The following PDE4D variants were observed in gnomAD, a reference collection of about 807,000 sequenced individuals.
The protein encoded by PDE4D is 3',5'-cyclic-AMP phosphodiesterase 4D.
PDE4D carries 24 observed loss-of-function variants against 87.4 expected under a neutral mutation model. The observed-to-expected ratio is 0.27, with a 90% CI of 0.20 to 0.39. The LOEUF (loss-of-function observed/expected upper bound fraction) is 0.39. Among genes scored for constraint, PDE4D ranks in the 10% least tolerant of loss-of-function variants. The pLI is 1.00. For synonymous variants in PDE4D, 384 were observed against 383.2 expected (o/e 1.00, Z -0.02); for missense variants, 714 against 1,041.0 (o/e 0.69, Z 4.32).
rs1210601999 is a variant in PDE4D, at chr5:60,092,073, A to G, written c.42+93484T>C. 3.2e-4 allele frequency among the ~76,000 whole-genome samples: 45 copies of G among 142,578 alleles called. No individual in the cohort carries two copies. The East Asian group carries it at 7.1e-3, about 22-fold the overall frequency. 93.5% of individuals were successfully genotyped at this position (142,578 alleles called of 152,430 possible). A position where few individuals can be genotyped will look rare whatever the true frequency, so the allele number is the denominator to read the frequency against. On this transcript the variant is annotated intron_variant, in intron 2 of 16. Coordinates refer to the PDE4D transcript ENST00000502484. ...CTCAAAAAAAAAAAAAAAAAAAAAA[A>G]AAAAAGAAAATGTGAAATATATACA...
intron 1 of PDE4D, among the ~76,000 whole-genome samples, chr5:59,345,933 T>A (rs1779537166): frequency 6.6e-6 from 1 of 152,192 alleles, no homozygotes; most frequent in Non-Finnish European, 1.5e-5. Flanking sequence ...ATGTTCATAA[T>A]GGCTCTAATT....
chr5:59,026,366 A>C lies in PDE4D; in HGVS notation c.921+12493T>G, dbSNP rs114047127. ...GAAAAAAACCTTTCTTGAAAGGCAC[A>C]AAGTAGAATGCTCAGACTCTCCATC... On this transcript the variant is annotated intron_variant, in intron 6 of 14. Transcript: ENST00000340635. 2.5e-3 allele frequency among the ~76,000 whole-genome samples: 379 copies of C among 152,346 alleles called. 2 individuals carry two copies. The highest frequency in any genetic ancestry group is 8.8e-3 in the African/African-American group (366 of 41,576).
chr5:59,685,753 A>G (rs1749761022), intron 1 of PDE4D, among the ~76,000 whole-genome samples: 1 of 152,118 alleles, frequency 6.6e-6, no homozygotes, highest in Admixed American at 6.6e-5. Flanking sequence ...GATTTGAAAC[A>G]GAGATGGAAA....
chr5:59,492,079 A>G (rs567397662), intron 1 of PDE4D, among the ~76,000 whole-genome samples: 16 of 152,214 alleles, frequency 1.1e-4, no homozygotes, highest in South Asian at 8.3e-4. Flanking sequence ...CCCACCCCCA[A>G]ACAAATTTCT....
At chr5:59,701,617 C>T (rs938695272) in intron 1 of PDE4D, among the ~76,000 whole-genome samples, 5 of 152,120 alleles carry the variant, frequency 3.3e-5, no homozygotes, top group African/African-American at 7.2e-5. Flanking sequence ...CAAGGAGTTT[C>T]ACAATTATGG....
At chr5:59,989,212 T>C (rs1250447967) in intron 2 of PDE4D, among the ~76,000 whole-genome samples, 2 of 150,974 alleles carry the variant, frequency 1.3e-5, no homozygotes, top group African/African-American at 4.9e-5. Flanking sequence ...ACAGTGTATT[T>C]AAACAAACCT....
intron 1 of PDE4D, among the ~76,000 whole-genome samples, chr5:59,350,425 A>C (rs1420669863): frequency 6.6e-6 from 1 of 152,180 alleles, no homozygotes; most frequent in Non-Finnish European, 1.5e-5. Flanking sequence ...CAAGGTCTTC[A>C]AGCTCTTCAA....
intron 1 of PDE4D, among the ~76,000 whole-genome samples, chr5:59,504,582 T>G (rs543171700): frequency 6.6e-6 from 1 of 152,310 alleles, no homozygotes; most frequent in African/African-American, 2.4e-5. Flanking sequence ...ATGTCCATTT[T>G]TTGATGTGTC....
intron 1 of PDE4D, among the ~76,000 whole-genome samples, chr5:60,222,511 G>T (rs1744612700): frequency 6.6e-6 from 1 of 152,094 alleles, no homozygotes. Context: ...TACAATTTAG[G>T]AATAGAATTT....
chr5:59,716,747 G>A (rs189794503), intron 1 of PDE4D, among the ~76,000 whole-genome samples: 9 of 152,184 alleles, frequency 5.9e-5, no homozygotes, highest in South Asian at 4.2e-4. Context: ...ACAATTCTCC[G>A]TCTTCATTGG....
intron 1 of PDE4D, among the ~76,000 whole-genome samples, chr5:59,746,196 T>G (rs1759583801): frequency 6.6e-6 from 1 of 152,212 alleles, no homozygotes; most frequent in African/African-American, 2.4e-5. Flanking sequence ...AATTTCATAT[T>G]AGAAAATCTG....
rs563288348 is a variant in PDE4D, at chr5:59,768,676, G to A, written c.455+124492C>T. On this transcript the variant is annotated intron_variant, in intron 1 of 14. Coordinates refer to ENST00000340635, the MANE Select transcript of PDE4D (RefSeq NM_001104631.2). ...GCCTGGGGCTGGGTGCAGAGGAGGCGAGCGCACTCCTCCGCGGAAGCGTAT... is the reference window on the plus strand; with the variant it reads ...GCCTGGGGCTGGGTGCAGAGGAGGCAAGCGCACTCCTCCGCGGAAGCGTAT... 10 of 1,472,586 alleles carry A rather than the reference G, an allele frequency of 6.8e-6. No individual in the cohort carries two copies. In the African/African-American group the frequency reaches 7.0e-5, roughly 10 times the overall value. The allele number at this position is 1,472,586 out of a possible 1,614,324, so 91.2% of individuals were successfully genotyped here. A position where few individuals can be genotyped will look rare whatever the true frequency, so the allele number is the denominator to read the frequency against.
At chr5:60,341,664 A>G (rs1305584926) in intron 1 of PDE4D, among the ~76,000 whole-genome samples, 3 of 152,188 alleles carry the variant, frequency 2.0e-5, no homozygotes, top group South Asian at 2.1e-4. Flanking sequence ...AGAAGCCCAT[A>G]CACAGAGCGT....
chr5:60,196,716 C>T (rs1419355220), intron 1 of PDE4D, among the ~76,000 whole-genome samples: 6 of 151,554 alleles, frequency 4.0e-5, no homozygotes, highest in Non-Finnish European at 7.4e-5. Flanking sequence ...GCAAGATGAT[C>T]CCCATAAAAT....
chr5:59,673,809 C>T (rs1408694848), intron 1 of PDE4D, among the ~76,000 whole-genome samples: 2 of 152,200 alleles, frequency 1.3e-5, no homozygotes, highest in Non-Finnish European at 2.9e-5. Context: ...CATTATTAAA[C>T]ATATATGGGT....
chr5:59,998,162 T>C (rs1173462369), intron 2 of PDE4D, among the ~76,000 whole-genome samples: 4 of 152,222 alleles, frequency 2.6e-5, no homozygotes, highest in African/African-American at 4.8e-5. Context: ...CAGGTTTAGC[T>C]GATATCAATG....
chr5:60,165,991 C>T (rs756647875), intron 2 of PDE4D, among the ~76,000 whole-genome samples: 25 of 151,968 alleles, frequency 1.6e-4, no homozygotes, highest in African/African-American at 5.8e-4. Flanking sequence ...AAGTGATTTT[C>T]TCTAGTAGTG....
At chr5:59,526,945 CT>C (rs1173460940) in intron 1 of PDE4D, among the ~76,000 whole-genome samples, 1 of 152,088 alleles carries the variant, frequency 6.6e-6, no homozygotes, top group East Asian at 1.9e-4. Context: ...TCTTACTTGA[CT>C]TTTTTTGTTG....
At chr5:59,709,092 C>T (rs1753846434) in intron 1 of PDE4D, among the ~76,000 whole-genome samples, 1 of 151,936 alleles carries the variant, frequency 6.6e-6, no homozygotes, top group Non-Finnish European at 1.5e-5. Flanking sequence ...TAGTTTTATA[C>T]TTGAGGAAAC....
Sources: gnomAD v4.1 joint callset for allele counts (sites outside exome capture counted in the v4.1 genomes callset) on GRCh38, gnomAD v4.1.1 for gene constraint, MANE v1.5 for transcripts, NCBI Gene and HGNC (gene_info 2026-07-23, HGNC 2026-07-21) for gene names.